The following WWOX variants were observed in gnomAD, a reference collection of about 807,000 sequenced individuals.
WWOX encodes WW domain-containing oxidoreductase.
In WWOX, 69 loss-of-function variants were observed where a neutral mutation model predicts 46.2. The observed-to-expected ratio is 1.49, with a 90% CI of 1.23 to 1.82. WWOX has a LOEUF of 1.82. Ranked by LOEUF, WWOX falls within the 40% of genes most tolerant of loss-of-function variation. The probability of loss-of-function intolerance (pLI) is 0.00; values close to 1 mark genes in which losing one functional copy is unlikely to be tolerated. For synonymous variants in WWOX, 359 were observed against 202.6 expected (o/e 1.77, Z -6.56); for missense variants, 919 against 542.6 (o/e 1.69, Z -6.89).
intron 8 of WWOX, among the ~76,000 whole-genome samples, chr16:78,720,383 C>T (rs2048661046): frequency 6.8e-6 from 1 of 146,006 alleles, no homozygotes; most frequent in South Asian, 2.1e-4. Context: ...TTTTGCTTGC[C>T]AATGGTCAGA....
At chr16:78,997,823 G>T (rs766218148) in intron 8 of WWOX, among the ~76,000 whole-genome samples, 1 of 152,074 alleles carries the variant, frequency 6.6e-6, no homozygotes, top group African/African-American at 2.4e-5. Context: ...CAGATTTCAC[G>T]CTGCCTTCCC....
At chr16:78,411,821 A>T (rs958599173) in intron 6 of WWOX, among the ~76,000 whole-genome samples, 2 of 152,180 alleles carry the variant, frequency 1.3e-5, no homozygotes, top group African/African-American at 4.8e-5. Context: ...TAGGTTGGTG[A>T]TCCTAGCAGC....
chr16:78,314,687 G>GTTT (rs1567494414), intron 5 of WWOX, among the ~76,000 whole-genome samples: 22 of 92,030 alleles, frequency 2.4e-4, no homozygotes, highest in African/African-American at 1.2e-3. Flanking sequence ...ACCCTGCAGG[G>GTTT]GTTTTTTTTT....
At chr16:78,610,314 A>G (rs2045870733) in intron 8 of WWOX, among the ~76,000 whole-genome samples, 1 of 152,198 alleles carries the variant, frequency 6.6e-6, no homozygotes, top group South Asian at 2.1e-4. Flanking sequence ...CACAAAACCT[A>G]TCCATAGAGG....
intron 5 of WWOX, among the ~76,000 whole-genome samples, chr16:78,336,255 C>T (rs2080885034): frequency 6.7e-6 from 1 of 150,108 alleles, no homozygotes; most frequent in Non-Finnish European, 1.5e-5. Context: ...GGCAGATCAC[C>T]TGAAGTCAAG....
chr16:78,814,824 C>A (rs1021943639), intron 8 of WWOX, among the ~76,000 whole-genome samples: 7 of 152,214 alleles, frequency 4.6e-5, no homozygotes, highest in Non-Finnish European at 5.9e-5. Flanking sequence ...CCCACTAGTC[C>A]TGTCATCTGC....
intron 8 of WWOX, among the ~76,000 whole-genome samples, chr16:79,098,421 C>G (rs146031461): frequency 6.6e-6 from 1 of 152,194 alleles, no homozygotes; most frequent in Admixed American, 6.5e-5. Flanking sequence ...TAACTAACCC[C>G]TCAGGGGTCA....
chr16:79,177,580 T>C (rs2050825895), intron 8 of WWOX, among the ~76,000 whole-genome samples: 1 of 152,022 alleles, frequency 6.6e-6, no homozygotes, highest in East Asian at 1.9e-4. Context: ...TATTTGAAAA[T>C]GGGTGATGGA....
intron 5 of WWOX, among the ~76,000 whole-genome samples, chr16:78,325,192 A>G (rs2080585588): frequency 6.6e-6 from 1 of 152,236 alleles, no homozygotes. Context: ...TTCCGTCACC[A>G]TGCAAATGTT....
intron 8 of WWOX, among the ~76,000 whole-genome samples, chr16:78,879,431 C>T (rs564680597): frequency 2.6e-4 from 39 of 152,148 alleles, no homozygotes; most frequent in African/African-American, 8.7e-4. Flanking sequence ...AAATCCACAT[C>T]TCATACTTTT....
intron 8 of WWOX, among the ~76,000 whole-genome samples, chr16:78,827,798 G>T (rs539011746): frequency 6.6e-6 from 1 of 152,168 alleles, no homozygotes; most frequent in Non-Finnish European, 1.5e-5. Flanking sequence ...CCGAGATGGC[G>T]CCACTGCACT....
intron 8 of WWOX, among the ~76,000 whole-genome samples, chr16:78,722,149 C>G (rs2048707200): frequency 6.6e-6 from 1 of 152,138 alleles, no homozygotes; most frequent in Non-Finnish European, 1.5e-5. Flanking sequence ...AAGGAAATGA[C>G]CAGCACGTGG....
chr16:78,755,579 C>A (rs111360417), intron 8 of WWOX, among the ~76,000 whole-genome samples: 1 of 152,106 alleles, frequency 6.6e-6, no homozygotes, highest in Non-Finnish European at 1.5e-5. Context: ...TAGCCCTGCC[C>A]GAAGCCTCTC....
At chr16:79,145,916 A>T (rs2050175236) in intron 8 of WWOX, among the ~76,000 whole-genome samples, 3 of 152,218 alleles carry the variant, frequency 2.0e-5, no homozygotes, top group Admixed American at 6.5e-5. Context: ...TATATAATTT[A>T]TTGAAAGGAA....
intron 8 of WWOX, among the ~76,000 whole-genome samples, chr16:79,078,827 C>T (rs761632231): frequency 7.9e-5 from 12 of 152,174 alleles, no homozygotes; most frequent in South Asian, 2.1e-4. Flanking sequence ...CTATCCCTAA[C>T]GGTTAAAGTG....
intron 8 of WWOX, among the ~76,000 whole-genome samples, chr16:78,905,221 G>A (rs959006494): frequency 3.3e-5 from 5 of 152,170 alleles, no homozygotes; most frequent in African/African-American, 1.2e-4. Flanking sequence ...CAGGAGAGGA[G>A]GAGGAAGAGG....
intron 5 of WWOX, among the ~76,000 whole-genome samples, chr16:78,374,527 A>ATTTTTTTTTTTTTTTTTTTTTTTTT (rs541225697): frequency 1.4e-4 from 10 of 70,906 alleles, no homozygotes; most frequent in Non-Finnish European, 2.6e-4. Flanking sequence ...TCTGTCTTGA[A>ATTTTTTTTTTTTTTTTTTTTTTTTT]TTTTTTTTTT....
At chr16:79,197,422 C>T (rs1413187682) in intron 8 of WWOX, among the ~76,000 whole-genome samples, 1 of 152,168 alleles carries the variant, frequency 6.6e-6, no homozygotes, top group Non-Finnish European at 1.5e-5. Context: ...AGTATTCATA[C>T]CATGGGAATT....
At position 78,854,091 on chromosome 16, in the gene WWOX, T is replaced by C. The variant is rs538109050; in HGVS notation, c.1057-357517T>C. On this transcript the variant is annotated intron_variant, in intron 8 of 8. Transcript: ENST00000566780. Reference sequence around the variant, plus strand: ...TTCTTTCTATATTTTTCTCAGCATTTACACGATTGTTTTTACATAGTAGTG... The same window carrying C: ...TTCTTTCTATATTTTTCTCAGCATTCACACGATTGTTTTTACATAGTAGTG... Among the ~76,000 whole-genome samples, 10 of 152,322 alleles carry C rather than the reference T, an allele frequency of 6.6e-5. No homozygotes were observed. In the East Asian group the frequency reaches 1.9e-3, roughly 29 times the overall value.
Sources: allele counts gnomAD v4.1 joint callset (sites outside exome capture counted in the v4.1 genomes callset), GRCh38; gene constraint gnomAD v4.1.1; transcripts MANE v1.5; gene names NCBI Gene and HGNC (gene_info 2026-07-23, HGNC 2026-07-21).